Variants in GPR158 observed in about 807,000 individuals in gnomAD.
GPR158 encodes metabotropic glycine receptor.
In GPR158, 30 loss-of-function variants were observed where a neutral mutation model predicts 78.2. The observed-to-expected ratio is 0.38, with a 90% CI of 0.29 to 0.52. The LOEUF (loss-of-function observed/expected upper bound fraction) is 0.52, where lower values mean the gene tolerates loss of function less well. Ranked by LOEUF, GPR158 falls within the 20% of genes least tolerant of loss-of-function variation. The pLI, the probability that GPR158 is intolerant of heterozygous loss-of-function variation, is 0.83. For synonymous variants in GPR158, 581 were observed against 591.1 expected (o/e 0.98, Z 0.25); for missense variants, 1,463 against 1,523.5 (o/e 0.96, Z 0.66).
chr10:25,599,047 GA>G lies in GPR158; in HGVS notation c.3428del (p.Lys1143ArgfsTer23). On this transcript the variant is annotated frameshift_variant, in exon 11 of 11. Coordinates refer to ENST00000376351, the MANE Select transcript of GPR158 (RefSeq NM_020752.3). LOFTEE classifies it low-confidence loss of function (END_TRUNC). ...NENLNQIGHQ[E>X]KKTSSSEENV... ...AAATCTCAACCAAATAGGACACCAG[GA>G]AAAAAAGACATCTTCTTCTGAGGAG... 6.2e-7 allele frequency: 1 copy of G among 1,613,838 alleles called. No individual in the cohort carries two copies. Among genetic ancestry groups the G allele is most frequent in the Non-Finnish European group, 8.5e-7 (1 of 1,179,954 alleles).
intron 2 of GPR158, among the ~76,000 whole-genome samples, chr10:25,359,036 C>T (rs1855591824): frequency 6.6e-6 from 1 of 151,802 alleles, no homozygotes; most frequent in Non-Finnish European, 1.5e-5. Context: ...TCTACTTATT[C>T]TATCCATTAT....
intron 4 of GPR158, among the ~76,000 whole-genome samples, chr10:25,433,694 C>CTTTT (rs3082190): frequency 8.2e-5 from 9 of 109,838 alleles, no homozygotes; most frequent in African/African-American, 2.1e-4. Context: ...TTCTTTCTTT[C>CTTTT]TTTTTTTTTT....
At chr10:25,241,419 T>TCTCTTCTCTTCTCTTA (rs1564399858) in intron 2 of GPR158, among the ~76,000 whole-genome samples, 1 of 88,450 alleles carries the variant, frequency 1.1e-5, no homozygotes, top group African/African-American at 5.4e-5. Flanking sequence ...CTCTTTTCTT[T>TCTCTTCTCTTCTCTTA]TCTTTTCTTT....
chr10:25,585,045 A>G (rs1477018057), intron 7 of GPR158, among the ~76,000 whole-genome samples: 3 of 152,264 alleles, frequency 2.0e-5, no homozygotes, highest in African/African-American at 7.2e-5. Context: ...TACAAAACCA[A>G]TCAGCTATTT....
At chr10:25,394,431 T>A (rs1021236147) in intron 2 of GPR158, among the ~76,000 whole-genome samples, 1 of 152,270 alleles carries the variant, frequency 6.6e-6, no homozygotes, top group African/African-American at 2.4e-5. Flanking sequence ...TTACTTCTTT[T>A]ATTTACATAG....
At chr10:25,316,887 TTG>T (rs35949163) in intron 2 of GPR158, among the ~76,000 whole-genome samples, 18,288 of 126,930 alleles carry the variant, frequency 0.14, 1,114 homozygotes, top group South Asian at 0.2. Flanking sequence ...ATGTATGTAT[TTG>T]TGTGTGTGTG....
intron 1 of GPR158, among the ~76,000 whole-genome samples, chr10:25,205,245 A>G (rs370622144): frequency 9.2e-5 from 13 of 141,884 alleles, no homozygotes; most frequent in South Asian, 6.8e-4. Flanking sequence ...CCCCTTTGTC[A>G]TTTCTAATTG....
chr10:25,333,114 G>A (rs754477033), intron 2 of GPR158, among the ~76,000 whole-genome samples: 1 of 152,050 alleles, frequency 6.6e-6, no homozygotes, highest in African/African-American at 2.4e-5. Flanking sequence ...AGAATGTGAA[G>A]GTTCAGTTGA....
intron 4 of GPR158, among the ~76,000 whole-genome samples, chr10:25,424,445 T>C (rs914354525): frequency 1.3e-5 from 2 of 151,832 alleles, no homozygotes; most frequent in African/African-American, 4.8e-5. Context: ...GTTTTAGACA[T>C]GAAGTCCTTG....
chr10:25,555,801 C>T (rs916476814), intron 6 of GPR158, among the ~76,000 whole-genome samples: 1 of 151,492 alleles, frequency 6.6e-6, no homozygotes, highest in Non-Finnish European at 1.5e-5. Context: ...TTTAAGCAAG[C>T]CTGTGAAAAG....
At chr10:25,448,493 T>C (rs915708138) in intron 4 of GPR158, among the ~76,000 whole-genome samples, 1 of 152,248 alleles carries the variant, frequency 6.6e-6, no homozygotes, top group African/African-American at 2.4e-5. Context: ...ATGAATGTTA[T>C]GTAATTTGTG....
intron 1 of GPR158, among the ~76,000 whole-genome samples, chr10:25,180,036 T>C (rs1852594643): frequency 6.6e-6 from 1 of 152,182 alleles, no homozygotes; most frequent in South Asian, 2.1e-4. Flanking sequence ...GGTTAGCAGG[T>C]ACTTAAGGGT....
chr10:25,294,733 T>C (rs1854487394), intron 2 of GPR158, among the ~76,000 whole-genome samples: 1 of 151,796 alleles, frequency 6.6e-6, no homozygotes, highest in Non-Finnish European at 1.5e-5. Context: ...GTTCTAATAT[T>C]GTCAAGAACC....
At position 25,358,113 on chromosome 10, in the gene GPR158, T is replaced by C. The variant is rs190081760; in HGVS notation, c.1009-37798T>C. ...TGGCATGGGGCCTGTAGCCCCTTTG[T>C]TTTTCCCAATGTCTCCCATTTACTA... On this transcript the variant is annotated intron_variant, in intron 2 of 10. Coordinates refer to ENST00000376351, the MANE Select transcript of GPR158 (RefSeq NM_020752.3). Among the ~76,000 whole-genome samples the C allele has an allele frequency of 3.3e-5, 5 of 152,202 alleles. No homozygotes were observed. The East Asian group carries it at 9.7e-4, about 30-fold the overall frequency.
chr10:25,390,742 T>G (rs1212977150), intron 2 of GPR158, among the ~76,000 whole-genome samples: 1 of 152,220 alleles, frequency 6.6e-6, no homozygotes, highest in Admixed American at 6.5e-5. Flanking sequence ...AAAAACCCAT[T>G]TTCTGAGAAG....
At chr10:25,387,716 A>G (rs1053695718) in intron 2 of GPR158, among the ~76,000 whole-genome samples, 4 of 152,016 alleles carry the variant, frequency 2.6e-5, no homozygotes, top group Non-Finnish European at 5.9e-5. Context: ...GGGTTTCACC[A>G]TGTTGGCTAG....
intron 2 of GPR158, among the ~76,000 whole-genome samples, chr10:25,329,915 T>C (rs141741342): frequency 2.0e-5 from 3 of 152,104 alleles, no homozygotes; most frequent in Non-Finnish European, 2.9e-5. Flanking sequence ...TTAGTGATGA[T>C]AAAAATTGTA....
chr10:25,575,443 C>T (rs1262645190), intron 7 of GPR158, among the ~76,000 whole-genome samples: 5 of 151,980 alleles, frequency 3.3e-5, no homozygotes, highest in Non-Finnish European at 5.9e-5. Context: ...TCCCAGAACC[C>T]GCAGCAGCGG....
chr10:25,340,778 A>G (rs2130505912), intron 2 of GPR158, among the ~76,000 whole-genome samples: 1 of 152,168 alleles, frequency 6.6e-6, no homozygotes, highest in South Asian at 2.1e-4. Context: ...TCCTACAGGA[A>G]GAGCAGAGAA....
Sources: gnomAD v4.1 joint callset for allele counts (sites outside exome capture counted in the v4.1 genomes callset) on GRCh38, gnomAD v4.1.1 for gene constraint, MANE v1.5 for transcripts, NCBI Gene and HGNC (gene_info 2026-07-23, HGNC 2026-07-21) for gene names.